The following CACNG2 variants were observed in gnomAD, a reference collection of about 807,000 sequenced individuals.
CACNG2 encodes the protein calcium voltage-gated channel auxiliary subunit gamma 2, also known as voltage-dependent calcium channel gamma-2 subunit.
Under a neutral mutation model 25.9 loss-of-function variants are expected in CACNG2, and 3 were observed. The ratio of observed to expected loss-of-function variants is 0.12; its 90% confidence interval spans 0.05 to 0.30. The LOEUF (loss-of-function observed/expected upper bound fraction) is 0.30, where lower values mean the gene tolerates loss of function less well. CACNG2 is among the 10% of genes least tolerant of loss of function. The pLI is 1.00. For missense variants in CACNG2, 341 were observed against 432.5 expected (o/e 0.79, Z 1.88); for synonymous variants, 167 against 173.3 (o/e 0.96, Z 0.29).
chr22:36,661,617 G>T (rs1046757664), intron 1 of CACNG2, among the ~76,000 whole-genome samples: 1 of 152,226 alleles, frequency 6.6e-6, no homozygotes, highest in Non-Finnish European at 1.5e-5. Context: ...CAGCATCTGA[G>T]GTGGAAGGCA....
intron 1 of CACNG2, among the ~76,000 whole-genome samples, chr22:36,677,028 G>A (rs1601450458): frequency 6.8e-6 from 1 of 147,606 alleles, no homozygotes; most frequent in African/African-American, 2.5e-5. Context: ...ATAATACTTC[G>A]GTGTCACCTC....
chr22:36,582,918 T>C (rs1935443379), intron 2 of CACNG2, among the ~76,000 whole-genome samples: 1 of 152,004 alleles, frequency 6.6e-6, no homozygotes, highest in South Asian at 2.1e-4. Flanking sequence ...CAGAAAGATC[T>C]GTGGAGTGTG....
chr22:36,672,431 C>T (rs367959770), intron 1 of CACNG2, among the ~76,000 whole-genome samples: 47 of 152,314 alleles, frequency 3.1e-4, no homozygotes, highest in African/African-American at 1.1e-3. Flanking sequence ...GTTGGGATTA[C>T]AGGCGTGAGC....
chr22:36,613,250 C>T (rs373471822), intron 1 of CACNG2, among the ~76,000 whole-genome samples: 1 of 151,672 alleles, frequency 6.6e-6, no homozygotes, highest in African/African-American at 2.4e-5. Context: ...GGGAACACTG[C>T]AGTAAATGAA....
chr22:36,632,847 C>G (rs754384683), intron 1 of CACNG2, among the ~76,000 whole-genome samples: 6 of 152,196 alleles, frequency 3.9e-5, no homozygotes, highest in Non-Finnish European at 7.4e-5. Context: ...CCTTACCCTT[C>G]AAGCCTCCTT....
At chr22:36,689,686 G>A (rs903955291) in intron 1 of CACNG2, among the ~76,000 whole-genome samples, 10 of 152,152 alleles carry the variant, frequency 6.6e-5, no homozygotes, top group African/African-American at 2.4e-4. Context: ...TAAATCTCTC[G>A]GTCCTGCAGC....
At chr22:36,645,891 A>G (rs1397556498) in intron 1 of CACNG2, among the ~76,000 whole-genome samples, 1 of 152,256 alleles carries the variant, frequency 6.6e-6, no homozygotes, top group Non-Finnish European at 1.5e-5. Context: ...AGTCAAATGC[A>G]TATTTTAATA....
rs35956043 is a variant in CACNG2, at chr22:36,560,956, G to GAAAAAAA, written c.*3388_*3394dup. ...AAAATTTTTTTTCTGTTAACAGTCT[G>GAAAAAAA]AAAAAAAAAAAAAGGACTCACCAAG... On this transcript the variant is annotated 3_prime_UTR_variant, in exon 4 of 4. Coordinates refer to ENST00000300105, the MANE Select transcript of CACNG2 (RefSeq NM_006078.5). 1 of 135,046 alleles carries GAAAAAAA rather than the reference G, an allele frequency of 7.4e-6. No individual in the cohort carries two copies. The highest frequency in any genetic ancestry group is 1.6e-5 in the Non-Finnish European group (1 of 62,632). 8.4% of individuals were successfully genotyped at this position (135,046 alleles called of 1,614,324 possible). A position where few individuals can be genotyped will look rare whatever the true frequency, so the allele number is the denominator to read the frequency against.
chr22:36,688,404 G>T (rs1325727959), intron 1 of CACNG2, among the ~76,000 whole-genome samples: 1 of 151,950 alleles, frequency 6.6e-6, no homozygotes, highest in African/African-American at 2.4e-5. Context: ...GCTCAGTGTG[G>T]TAGTGCACAC....
chr22:36,654,225 A>G (rs996919235), intron 1 of CACNG2, among the ~76,000 whole-genome samples: 16 of 151,892 alleles, frequency 1.1e-4, no homozygotes, highest in African/African-American at 3.4e-4. Flanking sequence ...TGTACTAAGA[A>G]TGCGGGTATA....
intron 1 of CACNG2, among the ~76,000 whole-genome samples, chr22:36,593,710 G>C (rs1473978457): frequency 6.6e-6 from 1 of 152,094 alleles, no homozygotes; most frequent in African/African-American, 2.4e-5. Context: ...TGATGAGTAG[G>C]GAGGAGTGAT....
intron 2 of CACNG2, among the ~76,000 whole-genome samples, chr22:36,578,283 A>C (rs1295386608): frequency 1.3e-5 from 2 of 149,564 alleles, no homozygotes; most frequent in African/African-American, 4.9e-5. Flanking sequence ...GCTTGAACCC[A>C]GGAGGCGGAG....
intron 1 of CACNG2, among the ~76,000 whole-genome samples, chr22:36,677,425 C>T (rs957743515): frequency 1.3e-5 from 2 of 152,108 alleles, no homozygotes; most frequent in African/African-American, 4.8e-5. Context: ...ATGCGGTTTC[C>T]CCACCACTGC....
At chr22:36,633,139 A>C (rs1428735587) in intron 1 of CACNG2, among the ~76,000 whole-genome samples, 1 of 152,202 alleles carries the variant, frequency 6.6e-6, no homozygotes, top group Admixed American at 6.5e-5. Context: ...ACTTCCTATC[A>C]GATCATTCTG....
chr22:36,607,976 G>T (rs1410698723), intron 1 of CACNG2, among the ~76,000 whole-genome samples: 1 of 152,168 alleles, frequency 6.6e-6, no homozygotes, highest in Admixed American at 6.5e-5. Flanking sequence ...GACATCTAGG[G>T]TGCAAAATTT....
chr22:36,596,212 G>A (rs979642204), intron 1 of CACNG2, among the ~76,000 whole-genome samples: 2 of 152,212 alleles, frequency 1.3e-5, no homozygotes, highest in East Asian at 3.9e-4. Flanking sequence ...TTTAGTGGGA[G>A]CTGCTTTCTC....
At chr22:36,697,260 G>A (rs1263636045) in intron 1 of CACNG2, among the ~76,000 whole-genome samples, 2 of 152,212 alleles carry the variant, frequency 1.3e-5, no homozygotes, top group East Asian at 3.8e-4. Flanking sequence ...GCAGCTAGGA[G>A]GGAGGGGTAT....
At chr22:36,700,300 C>T (rs1257276441) in intron 1 of CACNG2, among the ~76,000 whole-genome samples, 2 of 152,210 alleles carry the variant, frequency 1.3e-5, no homozygotes, top group Non-Finnish European at 2.9e-5. Context: ...ATACTTAAGC[C>T]TTTTTAATGC....
chr22:36,676,178 A>C (rs1431095572), intron 1 of CACNG2, among the ~76,000 whole-genome samples: 1 of 152,196 alleles, frequency 6.6e-6, no homozygotes, highest in Non-Finnish European at 1.5e-5. Context: ...TGCTGCCCCA[A>C]TATGGGTTTT....
Sources: allele counts gnomAD v4.1 joint callset (sites outside exome capture counted in the v4.1 genomes callset), GRCh38; gene constraint gnomAD v4.1.1; transcripts MANE v1.5; gene names NCBI Gene and HGNC (gene_info 2026-07-23, HGNC 2026-07-21).